The following UBE2E1 variants were observed in gnomAD, a reference collection of about 807,000 sequenced individuals.
UBE2E1 encodes the protein ubiquitin conjugating enzyme E2 E1, also known as ubiquitin-conjugating enzyme E2 E1.
UBE2E1 carries 6 observed loss-of-function variants against 21.4 expected under a neutral mutation model. That is an observed-to-expected ratio of 0.28 (90% confidence interval 0.15 to 0.55). UBE2E1 has a LOEUF of 0.55. UBE2E1 is among the 20% of genes least tolerant of loss of function. The probability of loss-of-function intolerance (pLI) is 0.93; values close to 1 mark genes in which losing one functional copy is unlikely to be tolerated. For missense variants in UBE2E1, 142 were observed against 236.5 expected (o/e 0.60, Z 2.62); for synonymous variants, 87 against 82.7 (o/e 1.05, Z -0.28).
intron 3 of UBE2E1, among the ~76,000 whole-genome samples, chr3:23,841,530 C>T (rs778092145): frequency 2.0e-5 from 3 of 151,988 alleles, no homozygotes; most frequent in Non-Finnish European, 2.9e-5. Flanking sequence ...TTGTAATGGC[C>T]GCATTGTTAG....
intron 3 of UBE2E1, among the ~76,000 whole-genome samples, chr3:23,846,198 A>G (rs1700199136): frequency 6.6e-6 from 1 of 152,254 alleles, no homozygotes; most frequent in Non-Finnish European, 1.5e-5. Flanking sequence ...AATGTCTTAC[A>G]TAAATCTAGT....
rs889536557 is a variant in UBE2E1, at chr3:23,836,539, G to C, written c.203+25029G>C. Among the ~76,000 whole-genome samples, 5 of 152,182 alleles carry C rather than the reference G, an allele frequency of 3.3e-5. No individual in the cohort carries two copies. The highest frequency in any genetic ancestry group is 2.0e-4 in the Admixed American group (3 of 15,278). On this transcript the variant is annotated intron_variant, in intron 3 of 5. Coordinates refer to ENST00000306627, the MANE Select transcript of UBE2E1 (RefSeq NM_003341.5). The surrounding 1 kb of genome is among the most constrained non-coding windows in gnomAD (Gnocchi z 4.1). The stretch of plus-strand genomic sequence containing the variant: ...AACTGCAAGGTATTTCAGTGAGGCA[G>C]CTCTTTTGTTCTTTTTCCAAAAGAG...
At chr3:23,849,506 T>G (rs1700277697) in intron 3 of UBE2E1, among the ~76,000 whole-genome samples, 1 of 152,118 alleles carries the variant, frequency 6.6e-6, no homozygotes, top group Non-Finnish European at 1.5e-5. Flanking sequence ...CTCCCTCCCC[T>G]TACCCCTCAC....
intron 3 of UBE2E1, among the ~76,000 whole-genome samples, chr3:23,834,583 G>T (rs1455902582): frequency 6.6e-6 from 1 of 152,052 alleles, no homozygotes; most frequent in Non-Finnish European, 1.5e-5. Context: ...TGAAAAAAAG[G>T]CCAGGTGCCA....
At chr3:23,807,116 G>A in intron 1 of UBE2E1, 121 bp from the exon 2 acceptor site, 1 of 741,148 alleles carries the variant, frequency 1.3e-6, no homozygotes. Context: ...TGAAAAGCGA[G>A]TGGAGGGCGG....
At chr3:23,871,655 A>G (rs1453522448) in intron 3 of UBE2E1, among the ~76,000 whole-genome samples, 1 of 138,844 alleles carries the variant, frequency 7.2e-6, no homozygotes, top group Non-Finnish European at 1.6e-5. Flanking sequence ...CGCTTCTCAG[A>G]TGGGGCGGCC....
intron 3 of UBE2E1, among the ~76,000 whole-genome samples, chr3:23,858,389 G>A (rs965535166): frequency 1.8e-4 from 28 of 152,040 alleles, no homozygotes; most frequent in African/African-American, 6.5e-4. Context: ...GCATGATCTC[G>A]GCTCACTGCA....
intron 3 of UBE2E1, among the ~76,000 whole-genome samples, chr3:23,838,067 ATTTAT>A (rs1286705677): frequency 1.3e-5 from 2 of 151,752 alleles, no homozygotes; most frequent in African/African-American, 4.8e-5. Flanking sequence ...TATTTTTATT[ATTTAT>A]TTTATTTTTT....
At chr3:23,815,640 A>T (rs1199722387) in intron 3 of UBE2E1, among the ~76,000 whole-genome samples, 1 of 152,220 alleles carries the variant, frequency 6.6e-6, no homozygotes, top group Non-Finnish European at 1.5e-5. Context: ...CATGGTTCAC[A>T]ATGGAAAGAG....
chr3:23,857,996 A>G (rs1359583458), intron 3 of UBE2E1, among the ~76,000 whole-genome samples: 1 of 151,740 alleles, frequency 6.6e-6, no homozygotes, highest in Non-Finnish European at 1.5e-5. Flanking sequence ...TAATTTTTGT[A>G]TTTTTATTGG....
chr3:23,839,473 A>AAATAAT (rs56960999), intron 3 of UBE2E1, among the ~76,000 whole-genome samples: 2,051 of 150,956 alleles, frequency 0.014, 42 homozygotes, highest in African/African-American at 0.047. Flanking sequence ...CAAAAAAAGA[A>AAATAAT]AATAATAATA....
intron 3 of UBE2E1, among the ~76,000 whole-genome samples, chr3:23,882,804 C>T (rs1185612646): frequency 6.6e-6 from 1 of 152,234 alleles, no homozygotes; most frequent in Non-Finnish European, 1.5e-5. Context: ...CTGCCTGGGG[C>T]CAGTGGCGCC....
intron 3 of UBE2E1, among the ~76,000 whole-genome samples, chr3:23,885,092 A>G (rs570469041): frequency 6.6e-6 from 1 of 152,330 alleles, no homozygotes; most frequent in African/African-American, 2.4e-5. Context: ...TATGAGATCA[A>G]GGTGCTGGCA....
chr3:23,845,589 C>CTCTCTCTCTCTCTCTCTCTCTCTGTG (rs1553637998), intron 3 of UBE2E1, among the ~76,000 whole-genome samples: 1 of 121,288 alleles, frequency 8.2e-6, no homozygotes, highest in East Asian at 2.3e-4. Flanking sequence ...CTCTCTCTCT[C>CTCTCTCTCTCTCTCTCTCTCTCTGTG]TGTGTGTGTG....
intron 3 of UBE2E1, among the ~76,000 whole-genome samples, chr3:23,812,886 G>A (rs934042826): frequency 3.3e-5 from 5 of 151,902 alleles, no homozygotes; most frequent in Non-Finnish European, 7.3e-5. Context: ...TCTCCTATGT[G>A]TGTGTTATTA....
At chr3:23,839,707 A>G (rs567783546) in intron 3 of UBE2E1, among the ~76,000 whole-genome samples, 1 of 151,712 alleles carries the variant, frequency 6.6e-6, no homozygotes, top group African/African-American at 2.4e-5. Context: ...TTCCTGTTGG[A>G]TATAGGATTT....
At chr3:23,831,505 A>G (rs77481052) in intron 3 of UBE2E1, among the ~76,000 whole-genome samples, 7,025 of 145,426 alleles carry the variant, frequency 0.048, 222 homozygotes, top group East Asian at 0.17. Context: ...CAAAATATTT[A>G]ACAAAATGAA....
intron 3 of UBE2E1, among the ~76,000 whole-genome samples, chr3:23,864,831 G>A (rs1345946739): frequency 1.3e-5 from 2 of 152,220 alleles, no homozygotes; most frequent in African/African-American, 4.8e-5. Context: ...CCTGGAGGGC[G>A]AAGGCCGGCC....
At chr3:23,812,800 G>T (rs1699429204) in intron 3 of UBE2E1, among the ~76,000 whole-genome samples, 1 of 152,180 alleles carries the variant, frequency 6.6e-6, no homozygotes, top group Admixed American at 6.5e-5. Context: ...TCCCTTGGTT[G>T]TTTGTGTGGA....
Sources: gnomAD v4.1 joint callset for allele counts (sites outside exome capture counted in the v4.1 genomes callset) on GRCh38, gnomAD v4.1.1 for gene constraint, Gnocchi (gnomAD v3.1) non-coding constraint, MANE v1.5 for transcripts, NCBI Gene and HGNC (gene_info 2026-07-23, HGNC 2026-07-21) for gene names.